The following ZFYVE16 variants were observed in gnomAD, a reference collection of about 807,000 sequenced individuals.
ZFYVE16 encodes zinc finger FYVE domain-containing protein 16.
Under a neutral mutation model 138.1 loss-of-function variants are expected in ZFYVE16, and 89 were observed. That is an observed-to-expected ratio of 0.64 (90% CI 0.54 to 0.77). ZFYVE16 has a LOEUF of 0.77. Among genes scored for constraint, ZFYVE16 ranks in the 30% least tolerant of loss-of-function variants. The pLI is 0.00. For missense variants in ZFYVE16, 1,793 were observed against 1,786.7 expected, an observed-to-expected ratio of 1.00 and a Z score of -0.06; for synonymous variants, 596 against 618.3, an observed-to-expected ratio of 0.96 and a Z score of 0.53.
intron 6 of ZFYVE16, chr5:80,443,754 A>T (rs1227638796): frequency 4.4e-6 from 2 of 456,246 alleles, no homozygotes. Context: ...GAAACAAAGA[A>T]TTCCTTCTTA....
Position 80,474,686 on chromosome 5 carries a change from G to C in ZFYVE16, c.4317G>C (p.Gln1439His). 1.2e-6 allele frequency: 2 copies of C among 1,613,378 alleles called. No homozygotes were observed. Among genetic ancestry groups the C allele is most frequent in the South Asian group, 1.1e-5 (1 of 91,004 alleles). Residue 1439 changes from glutamine to histidine, a missense_variant, in exon 18 of 19, where the codon CAG (glutamine) becomes CAC (histidine). By Grantham distance (24) the Gln-to-His change is conservative. This residue lies in a region of ZFYVE16 where 498 missense variants were observed against 582.4 expected (regional missense o/e 0.86). Coordinates refer to ENST00000505560, the MANE Select transcript of ZFYVE16 (RefSeq NM_001284236.3). The stretch of plus-strand genomic sequence containing the variant: ...AGGTGTTCTACTTTCTAAAGGACCA[G>C]GATTTATCTATTTTATCAACTTCTT... ...CTEVFYFLKD[Q>H]DLSILSTSYQ...
chr5:80,456,347 C>G (rs957698794), intron 12 of ZFYVE16, 114 bp from the exon 13 acceptor site: 11 of 812,412 alleles, frequency 1.4e-5, no homozygotes, highest in Non-Finnish European at 2.1e-5. Context: ...AAAGTTTTTC[C>G]TGAGAATGAT....
intron 1 of ZFYVE16, among the ~76,000 whole-genome samples, chr5:80,419,077 T>TTG (rs1009094612): frequency 2.7e-5 from 4 of 150,288 alleles, no homozygotes; most frequent in African/African-American, 7.4e-5. Flanking sequence ...TTTTTTTTTT[T>TTG]GGGGGGTCTT....
intron 15 of ZFYVE16, among the ~76,000 whole-genome samples, chr5:80,469,455 C>G (rs1754078538): frequency 6.6e-6 from 1 of 151,938 alleles, no homozygotes; most frequent in African/African-American, 2.4e-5. Context: ...ATTGCCCAGG[C>G]TGGTCTCAAT....
At chr5:80,408,198 T>A (rs919061965) in intron 1 of ZFYVE16, 45 bp downstream of exon 1, 1 of 152,404 alleles carries the variant, frequency 6.6e-6, no homozygotes, top group Non-Finnish European at 1.5e-5. Flanking sequence ...CCCTCAGCCC[T>A]GCTGTTCCCA....
intron 18 of ZFYVE16, among the ~76,000 whole-genome samples, chr5:80,476,212 T>G (rs1463276864): frequency 6.6e-6 from 1 of 152,164 alleles, no homozygotes; most frequent in Non-Finnish European, 1.5e-5. Flanking sequence ...GCTGGGATTA[T>G]AGGTGTGAGC....
intron 15 of ZFYVE16, among the ~76,000 whole-genome samples, chr5:80,469,754 CTT>C (rs1318110706): frequency 6.6e-6 from 1 of 150,750 alleles, no homozygotes; most frequent in Non-Finnish European, 1.5e-5. Context: ...AATGTTTTTT[CTT>C]TGTGTTCTTC....
At chr5:80,423,130 T>A (rs1747482491) in intron 1 of ZFYVE16, among the ~76,000 whole-genome samples, 1 of 152,214 alleles carries the variant, frequency 6.6e-6, no homozygotes. Context: ...TTGGCAAAAT[T>A]CAGCAGTGGA....
intron 1 of ZFYVE16, among the ~76,000 whole-genome samples, chr5:80,423,350 G>A (rs259027): frequency 0.88 from 133,017 of 152,008 alleles, 58,923 homozygotes; most frequent in Non-Finnish European, 0.94. Flanking sequence ...TTTTGTATCC[G>A]TGGCATCAGT....
At chr5:80,428,504 G>GA (rs1308713802) in intron 2 of ZFYVE16, among the ~76,000 whole-genome samples, 2 of 152,126 alleles carry the variant, frequency 1.3e-5, no homozygotes, top group Non-Finnish European at 2.9e-5. Context: ...CAAAGATGGG[G>GA]AAAAAACAGA....
chr5:80,449,596 G>A lies in ZFYVE16; in HGVS notation c.3109G>A (p.Val1037Ile), dbSNP rs1485193174. The A allele has an allele frequency of 1.2e-5, 19 of 1,606,822 alleles. No individual in the cohort carries two copies. Among genetic ancestry groups the A allele is most frequent in the African/African-American group, 2.7e-5 (2 of 74,482 alleles). Residue 1037 changes from valine (V) to isoleucine (I), a missense_variant, in exon 9 of 19, where the codon GTA (valine) becomes ATA (isoleucine). Physicochemically the swap from Val to Ile is conservative, Grantham distance 29. Transcript: ENST00000505560. Reference protein sequence around the residue: ...VASGEKGSVPVVEEHPSHEQI... With the variant: ...VASGEKGSVPIVEEHPSHEQI... ...ATATTACTTTCATCATTTAGTGCCT[G>A]TAGTAGAAGAACATCCATCTCATGA...
chr5:80,462,694 A>T (rs369862072), intron 15 of ZFYVE16, among the ~76,000 whole-genome samples: 1 of 152,228 alleles, frequency 6.6e-6, no homozygotes. Flanking sequence ...CCAAAAGTCC[A>T]AGTCCAAAGT....
At chr5:80,473,709 C>T (rs767767349) in intron 16 of ZFYVE16, 45 bp from the exon 17 acceptor site, 1 of 1,366,596 alleles carries the variant, frequency 7.3e-7, no homozygotes, top group Non-Finnish European at 1.0e-6. Context: ...ATTTCAAAAA[C>T]ACATTGGTGC....
At chr5:80,448,729 T>TA (rs1751664678) in intron 8 of ZFYVE16, among the ~76,000 whole-genome samples, 1 of 152,146 alleles carries the variant, frequency 6.6e-6, no homozygotes, top group Admixed American at 6.6e-5. Flanking sequence ...AGGAGCATGA[T>TA]ACCTAAAGAA....
At position 80,438,111 on chromosome 5, in the gene ZFYVE16, A is replaced by G. The variant is rs1225367833; in HGVS notation, c.1426A>G (p.Thr476Ala). ...ESLDGGDTSSTVVESQEGLSG... is the reference protein window; with the variant it reads ...ESLDGGDTSSAVVESQEGLSG... ...TTTGGATGGTGGTGACACCAGTTCT[A>G]CAGTTGTAGAATCTCAAGAGGGGCT... Residue 476 changes from threonine (T) to alanine (A), a missense_variant, in exon 4 of 19, where the codon ACA becomes GCA. By Grantham distance (58) the Thr-to-Ala change is moderately conservative. Transcript: ENST00000505560. 1.9e-6 allele frequency: 3 copies of G among 1,614,120 alleles called. No homozygotes were observed. The highest frequency in any genetic ancestry group is 8.5e-7 in the Non-Finnish European group (1 of 1,179,974).
chr5:80,449,535 G>T, intron 8 of ZFYVE16, 56 bp from the exon 9 acceptor site: 6 of 1,527,842 alleles, frequency 3.9e-6, no homozygotes, highest in East Asian at 2.5e-5. Flanking sequence ...TTTTTCATTT[G>T]TAAGCATATT....
chr5:80,448,519 G>C, intron 8 of ZFYVE16, 115 bp downstream of exon 8: 1 of 1,009,342 alleles, frequency 9.9e-7, no homozygotes, highest in Non-Finnish European at 1.3e-6. Context: ...ATGTACTAAG[G>C]CTGGTAACTT....
chr5:80,410,819 C>G (rs762206048), intron 1 of ZFYVE16, among the ~76,000 whole-genome samples: 2 of 151,744 alleles, frequency 1.3e-5, no homozygotes, highest in African/African-American at 4.8e-5. Context: ...CCGCCTGCCT[C>G]GGCCTCCCAA....
chr5:80,455,753 C>T lies in ZFYVE16; in HGVS notation c.3669C>T (p.His1223=), dbSNP rs1752464415. 33 of 1,589,934 alleles carry T rather than the reference C, an allele frequency of 2.1e-5. No individual in the cohort carries two copies. The highest frequency in any genetic ancestry group is 2.6e-5 in the Non-Finnish European group (30 of 1,173,666). Residue 1223 remains histidine, a synonymous_variant, in exon 12 of 19, where the codon CAC becomes CAT. Transcript: ENST00000505560. The part of the protein sequence containing the change: ...GRKPLFGEIG[H]TIMNLLVDLR... ...AACCTCTTTTTGGAGAAATAGGACA[C>T]ACTATTATGAACTTACTTGTTGTGA...
Sources: gnomAD v4.1 joint callset for allele counts (sites outside exome capture counted in the v4.1 genomes callset) on GRCh38, gnomAD v4.1.1 for gene constraint, gnomAD v4.1.1 regional missense constraint, MANE v1.5 for transcripts, NCBI Gene and HGNC (gene_info 2026-07-23, HGNC 2026-07-21) for gene names.